PCDHGA8: variants seen among roughly 807,000 people sequenced by gnomAD.
PCDHGA8 encodes protocadherin gamma subfamily A, 8.
A neutral mutation model predicts 59.2 loss-of-function variants in PCDHGA8; 45 were observed. The ratio of observed to expected loss-of-function variants is 0.76; its 90% CI spans 0.60 to 0.98. The LOEUF (loss-of-function observed/expected upper bound fraction) is 0.98, where lower values mean the gene tolerates loss of function less well. PCDHGA8 is among the 50% of genes least tolerant of loss of function. PCDHGA8 has a pLI of 0.00. For synonymous variants in PCDHGA8, 531 were observed against 519.0 expected (o/e 1.02, Z -0.32); for missense variants, 1,257 against 1,196.2 (o/e 1.05, Z -0.75).
In PCDHGA8 at chr5:141,394,915, C is replaced by T; in HGVS notation, c.2102C>T (p.Ser701Phe). 6.2e-7 allele frequency: 1 copy of T among 1,613,774 alleles called. No homozygotes were observed. Among genetic ancestry groups the T allele is most frequent in the Non-Finnish European group, 8.5e-7 (1 of 1,179,888 alleles). Residue 701 changes from serine (S) to phenylalanine (F), a missense_variant, in exon 1 of 4, where the codon TCC becomes TTC. Coordinates refer to ENST00000398604, the MANE Select transcript of PCDHGA8 (RefSeq NM_032088.2). ...CTCGTGGTGGCAGTGGCTGCCATCT[C>T]CTGTGTCTTCCTCGCCTTTGTCGCT... ...LYLVVAVAAI[S>F]CVFLAFVAVL...
chr5:141,494,781 C>T, intron 1 of PCDHGA8, 26 bp from the exon 2 acceptor site: 1 of 1,614,074 alleles, frequency 6.2e-7, no homozygotes, highest in African/African-American at 1.3e-5. Flanking sequence ...GGGTACTCAG[C>T]CCCTTTCCCT....
Position 141,487,203 on chromosome 5 carries a change from G to A in PCDHGA8, c.2425-7604G>A, listed in dbSNP as rs765707343. 6.8e-6 allele frequency: 11 copies of A among 1,613,804 alleles called. No homozygotes were observed. The highest frequency in any genetic ancestry group is 5.3e-5 in the African/African-American group (4 of 74,890). The stretch of plus-strand genomic sequence containing the variant: ...ACTCATCCAGTTGTCCCAGATCTTC[G>A]AGAATCTTCAGCTCCAAGGGAAGGA... On this transcript the variant is annotated intron_variant, in intron 1 of 3. Transcript: ENST00000398604. This position sits in a 1 kb window ranked among gnomAD's most constrained non-coding sequence, Gnocchi z 5.0.
chr5:141,406,555 A>G (rs2094824314), intron 1 of PCDHGA8, among the ~76,000 whole-genome samples: 1 of 152,224 alleles, frequency 6.6e-6, no homozygotes. Context: ...TCAGTTATCC[A>G]CTTCCAAACC....
intron 1 of PCDHGA8, among the ~76,000 whole-genome samples, chr5:141,450,968 G>A (rs756891993): frequency 5.5e-4 from 84 of 151,848 alleles, no homozygotes; most frequent in Non-Finnish European, 9.0e-4. Context: ...GGGATTACAG[G>A]CATGTGCCAC....
chr5:141,400,528 A>G, intron 1 of PCDHGA8: 2 of 1,613,868 alleles, frequency 1.2e-6, no homozygotes, highest in South Asian at 2.2e-5. Flanking sequence ...TGAGTTGGTG[A>G]GTTTCATTTA....
intron 1 of PCDHGA8, among the ~76,000 whole-genome samples, chr5:141,480,187 T>TGAGGCCAGCAGTTC (rs2099513839): frequency 6.6e-6 from 1 of 151,380 alleles, no homozygotes; most frequent in Admixed American, 6.6e-5. Context: ...GCGGATTGCT[T>TGAGGCCAGCAGTTC]GAGGCCAGCA....
chr5:141,410,065 G>C, intron 1 of PCDHGA8: 1 of 1,612,938 alleles, frequency 6.2e-7, no homozygotes, highest in South Asian at 1.1e-5. Context: ...GCCTGGGGCT[G>C]CGCACTGGGG....
chr5:141,494,701 C>G, intron 1 of PCDHGA8, 106 bp from the exon 2 acceptor site: 1 of 1,594,596 alleles, frequency 6.3e-7, no homozygotes, highest in Non-Finnish European at 8.6e-7. Context: ...CCGTTTTCTT[C>G]TCTGTGCCCA....
chr5:141,429,672 A>G (rs1036863132), intron 1 of PCDHGA8, among the ~76,000 whole-genome samples: 1 of 152,210 alleles, frequency 6.6e-6, no homozygotes, highest in African/African-American at 2.4e-5. Context: ...ATATTATTTT[A>G]TTTTATGCCT....
chr5:141,506,061 G>A (rs1260513343), intron 3 of PCDHGA8, among the ~76,000 whole-genome samples: 2 of 152,144 alleles, frequency 1.3e-5, no homozygotes, highest in Non-Finnish European at 2.9e-5. Flanking sequence ...GGTTGACTAA[G>A]GGCTTCCTTT....
chr5:141,490,142 C>T lies in PCDHGA8; in HGVS notation c.2425-4665C>T. On this transcript the variant is annotated intron_variant, in intron 1 of 3. Transcript: ENST00000398604. This position sits in a 1 kb window ranked among gnomAD's most constrained non-coding sequence, Gnocchi z 5.4. ...TTTGGCCTAGACCCTAGCAGTGGGG[C>T]AATCCATGTGTTGGGTCCCATAGAC... 2 of 1,614,220 alleles carry T rather than the reference C, an allele frequency of 1.2e-6. No individual in the cohort carries two copies. Among genetic ancestry groups the T allele is most frequent in the South Asian group, 1.1e-5 (1 of 91,088 alleles).
chr5:141,423,364 C>G (rs1299667864), intron 1 of PCDHGA8: 2 of 1,614,102 alleles, frequency 1.2e-6, no homozygotes, highest in East Asian at 4.5e-5. Flanking sequence ...CATCGTGCTG[C>G]TGGCACTCAG....
chr5:141,412,040 G>A (rs1046669003), intron 1 of PCDHGA8: 1 of 152,230 alleles, frequency 6.6e-6, no homozygotes, highest in African/African-American at 2.4e-5. Flanking sequence ...TGTGAAAGAA[G>A]TGAACTTCTA....
chr5:141,474,056 C>T (rs576482294), intron 1 of PCDHGA8, among the ~76,000 whole-genome samples: 37 of 152,136 alleles, frequency 2.4e-4, no homozygotes, highest in Non-Finnish European at 4.9e-4. Flanking sequence ...GATGACAGAG[C>T]GAGATCCTGC....
chr5:141,427,013 T>A, intron 1 of PCDHGA8: 2 of 456,846 alleles, frequency 4.4e-6, no homozygotes, highest in Non-Finnish European at 8.8e-6. Flanking sequence ...TTAGCCAGGA[T>A]GTATACAAAG....
chr5:141,427,931 G>T (rs1381637805), intron 1 of PCDHGA8: 3 of 1,583,646 alleles, frequency 1.9e-6, no homozygotes, highest in Non-Finnish European at 2.6e-6. Flanking sequence ...GGCGCATGTT[G>T]GTGGGCGACC....
At chr5:141,444,059 T>C (rs2098415588) in intron 1 of PCDHGA8, among the ~76,000 whole-genome samples, 1 of 150,620 alleles carries the variant, frequency 6.6e-6, no homozygotes, top group Admixed American at 6.6e-5. Flanking sequence ...ATCTTCAATC[T>C]AGATTCTGAT....
Position 141,485,754 on chromosome 5 carries a change from T to A in PCDHGA8, c.2425-9053T>A, listed in dbSNP as rs770807249. ...AGCGACGGCAGCCTGGTCCCAGAGC[T>A]GCTCCTGGAGAAGCCTTTGGATCGA... On this transcript the variant is annotated intron_variant, in intron 1 of 3. Transcript: ENST00000398604. This position sits in a 1 kb window ranked among gnomAD's most constrained non-coding sequence, Gnocchi z 5.7. 1 of 1,614,236 alleles carries A rather than the reference T, an allele frequency of 6.2e-7. No individual in the cohort carries two copies. The highest frequency in any genetic ancestry group is 8.5e-7 in the Non-Finnish European group (1 of 1,180,044).
chr5:141,461,196 T>C (rs1398352067), intron 1 of PCDHGA8, among the ~76,000 whole-genome samples: 3 of 152,128 alleles, frequency 2.0e-5, no homozygotes. Context: ...TGTTTTTTGC[T>C]CTTTAGAGAA....
Sources: gnomAD v4.1 joint callset for allele counts (sites outside exome capture counted in the v4.1 genomes callset) on GRCh38, gnomAD v4.1.1 for gene constraint, Gnocchi (gnomAD v3.1) non-coding constraint, MANE v1.5 for transcripts, NCBI Gene and HGNC (gene_info 2026-07-23, HGNC 2026-07-21) for gene names.